Variants in PDZRN3 observed in about 807,000 individuals in gnomAD.
PDZRN3 encodes the protein PDZ domain containing ring finger 3.
A neutral mutation model predicts 85.7 loss-of-function variants in PDZRN3; 38 were observed. The ratio of observed to expected loss-of-function variants is 0.44; its 90% confidence interval spans 0.34 to 0.58. The LOEUF (loss-of-function observed/expected upper bound fraction) is 0.58, where lower values mean the gene tolerates loss of function less well. Among genes scored for constraint, PDZRN3 ranks in the 20% least tolerant of loss-of-function variants. The pLI is 0.01. For missense variants in PDZRN3, 1,629 were observed against 1,506.4 expected, an observed-to-expected ratio of 1.08 and a Z score of -1.35; for synonymous variants, 759 against 638.0, an observed-to-expected ratio of 1.19 and a Z score of -2.86.
chr3:73,519,655 A>G (rs1016779703), intron 3 of PDZRN3, among the ~76,000 whole-genome samples: 1 of 152,216 alleles, frequency 6.6e-6, no homozygotes, highest in Non-Finnish European at 1.5e-5. Context: ...GCCCTAAGTG[A>G]GTAAAGAGTC....
At position 73,384,299 on chromosome 3, in the gene PDZRN3, C is replaced by T; in HGVS notation, c.2267G>A (p.Ser756Asn). ...LPEKSDKDSS[S>N]AYNTGESCRS... The stretch of plus-strand genomic sequence containing the variant: ...GCAGCTCTCGCCTGTGTTGTAGGCG[C>T]TCGAGCTGTCCTTGTCGGATTTCTC... The change falls in exon 10 of 10, where the codon AGC becomes AAC. Residue 756 changes from serine (S) to asparagine (N), a missense_variant. Ser to Asn is a conservative substitution (Grantham distance 46). Coordinates refer to ENST00000263666, the MANE Select transcript of PDZRN3 (RefSeq NM_015009.3). 6.2e-7 allele frequency: 1 copy of T among 1,612,778 alleles called. No individual in the cohort carries two copies. The highest frequency in any genetic ancestry group is 8.5e-7 in the Non-Finnish European group (1 of 1,180,020).
chr3:73,516,871 C>T (rs1188108250), intron 3 of PDZRN3, among the ~76,000 whole-genome samples: 1 of 152,194 alleles, frequency 6.6e-6, no homozygotes, highest in Non-Finnish European at 1.5e-5. Context: ...GCTGGCTGTG[C>T]TCATGTGCCT....
intron 3 of PDZRN3, among the ~76,000 whole-genome samples, chr3:73,446,004 T>C (rs572325462): frequency 6.6e-6 from 1 of 152,366 alleles, no homozygotes; most frequent in South Asian, 2.1e-4. Context: ...AATGTTTTGA[T>C]GCCTTGACCC....
chr3:73,436,525 T>A (rs1307702442), intron 3 of PDZRN3, among the ~76,000 whole-genome samples: 1 of 152,212 alleles, frequency 6.6e-6, no homozygotes, highest in African/African-American at 2.4e-5. Context: ...TTCATAAGAT[T>A]CTGTGGTTTC....
At chr3:73,400,869 A>G in intron 5 of PDZRN3, 53 bp downstream of exon 5, 3 of 1,247,526 alleles carry the variant, frequency 2.4e-6, no homozygotes, top group Admixed American at 1.7e-5. Context: ...CTTATTAGGC[A>G]TTCTGTGTTC....
At chr3:73,571,225 T>A (rs902258871) in intron 3 of PDZRN3, among the ~76,000 whole-genome samples, 8 of 152,212 alleles carry the variant, frequency 5.3e-5, no homozygotes, top group Non-Finnish European at 1.0e-4. Context: ...AGTGCTTTTA[T>A]TTTTCCTATT....
intron 3 of PDZRN3, among the ~76,000 whole-genome samples, chr3:73,578,765 C>A (rs561982233): frequency 6.6e-6 from 1 of 151,972 alleles, no homozygotes; most frequent in South Asian, 2.1e-4. Context: ...GAGGAACCTG[C>A]CCCCCTTTCT....
chr3:73,421,314 G>C (rs1287712182), intron 3 of PDZRN3, among the ~76,000 whole-genome samples: 1 of 152,144 alleles, frequency 6.6e-6, no homozygotes, highest in African/African-American at 2.4e-5. Context: ...GAGGCCCAGA[G>C]ACTCTTCCGG....
At chr3:73,419,007 T>C (rs1245626437) in intron 3 of PDZRN3, among the ~76,000 whole-genome samples, 1 of 152,002 alleles carries the variant, frequency 6.6e-6, no homozygotes, top group Non-Finnish European at 1.5e-5. Flanking sequence ...TAGTGAGAGG[T>C]AGGAGAATAA....
intron 3 of PDZRN3, among the ~76,000 whole-genome samples, chr3:73,587,609 A>G (rs1199208111): frequency 6.6e-6 from 1 of 152,204 alleles, no homozygotes; most frequent in Admixed American, 6.5e-5. Context: ...CTGCCTCTGA[A>G]GTTTTAGCAG....
chr3:73,538,024 C>A (rs1168112403), intron 3 of PDZRN3, among the ~76,000 whole-genome samples: 1 of 152,112 alleles, frequency 6.6e-6, no homozygotes, highest in Non-Finnish European at 1.5e-5. Context: ...GATTTCTGGA[C>A]CAAAATGACT....
chr3:73,433,671 C>G, intron 3 of PDZRN3: 1 of 1,535,976 alleles, frequency 6.5e-7, no homozygotes, highest in South Asian at 1.2e-5. Flanking sequence ...TTGTACTGCT[C>G]CTCTTGCTTC....
chr3:73,509,825 G>T (rs115704157), intron 3 of PDZRN3, among the ~76,000 whole-genome samples: 3 of 152,156 alleles, frequency 2.0e-5, no homozygotes, highest in Admixed American at 6.5e-5. Flanking sequence ...ATCCTGGCAC[G>T]GGCGGGCGGC....
In PDZRN3 at chr3:73,608,517, C is replaced by A. The variant is rs866542281; in HGVS notation, c.810+81G>T. 28 of 903,544 alleles carry A rather than the reference C, an allele frequency of 3.1e-5. No individual in the cohort carries two copies. The South Asian group carries it at 3.6e-4, about 12-fold the overall frequency. The allele number at this position is 903,544 out of a possible 1,614,324, so 56.0% of individuals were successfully genotyped here. On this transcript the variant is annotated intron_variant, in intron 2 of 9. Transcript: ENST00000263666. ...AATGAAGTGAGCAAAGTTTCCTGCT[C>A]CTCACTGTCCCCTTCAAACCTTGAC... is the stretch of plus-strand genomic sequence containing the variant.
rs776744489 is a variant in PDZRN3 at position 73,384,016 on chromosome 3, C to G, written c.2550G>C (p.Thr850=). 3.1e-5 allele frequency: 49 copies of G among 1,589,582 alleles called. No individual in the cohort carries two copies. The highest frequency in any genetic ancestry group is 1.2e-4 in the Admixed American group (7 of 57,940). The stretch of plus-strand genomic sequence containing the variant: ...AGGCGCTGCCCAGCTTCTGGCTGGG[C>G]GTGGGGCTCCGGCTCCCGTCGCTGG... ...RRASDGSRSP[T]PSQKLGSAYL... The change falls in exon 10 of 10, where the codon ACG becomes ACC. Residue 850 remains threonine, a synonymous_variant. Coordinates refer to ENST00000263666, the MANE Select transcript of PDZRN3 (RefSeq NM_015009.3).
chr3:73,528,798 C>A (rs1054241083), intron 3 of PDZRN3, among the ~76,000 whole-genome samples: 3 of 151,986 alleles, frequency 2.0e-5, no homozygotes, highest in Non-Finnish European at 4.4e-5. Flanking sequence ...GCATTGAGGT[C>A]TGTGCATCAA....
At chr3:73,480,010 A>T (rs139474619) in intron 3 of PDZRN3, among the ~76,000 whole-genome samples, 1 of 152,224 alleles carries the variant, frequency 6.6e-6, no homozygotes, top group East Asian at 1.9e-4. Context: ...TTTGTTTGTA[A>T]TGTGATTTTA....
At chr3:73,401,139 C>A in intron 4 of PDZRN3, 130 bp from the exon 5 acceptor site, 1 of 679,640 alleles carries the variant, frequency 1.5e-6, no homozygotes, top group South Asian at 1.6e-5. Context: ...TCACTTCCCT[C>A]TGGATGGGGC....
chr3:73,447,799 C>T (rs1430599951), intron 3 of PDZRN3, among the ~76,000 whole-genome samples: 2 of 152,222 alleles, frequency 1.3e-5, no homozygotes, highest in Admixed American at 6.5e-5. Flanking sequence ...TAAAGACCAC[C>T]ACCTGCCTTG....
Sources: gnomAD v4.1 joint callset for allele counts (sites outside exome capture counted in the v4.1 genomes callset) on GRCh38, gnomAD v4.1.1 for gene constraint, MANE v1.5 for transcripts, NCBI Gene and HGNC (gene_info 2026-07-23, HGNC 2026-07-21) for gene names.